Variants in PCDHA5 observed in about 807,000 individuals in gnomAD.
PCDHA5 encodes protocadherin alpha-5.
A neutral mutation model predicts 61.6 loss-of-function variants in PCDHA5; 43 were observed. That is an observed-to-expected ratio of 0.70 (90% CI 0.55 to 0.90). The LOEUF (loss-of-function observed/expected upper bound fraction) is 0.90, where lower values mean the gene tolerates loss of function less well. Ranked by LOEUF, PCDHA5 falls within the 40% of genes least tolerant of loss-of-function variation. The pLI is 0.00. For synonymous variants in PCDHA5, 627 were observed against 543.9 expected, an observed-to-expected ratio of 1.15 and a Z score of -2.13; for missense variants, 1,298 against 1,222.7, an observed-to-expected ratio of 1.06 and a Z score of -0.92.
rs1554139478 is a variant in PCDHA5 at position 140,842,864 on chromosome 5, G to A, written c.2352+18737G>A. The stretch of plus-strand genomic sequence containing the variant: ...CTACATTTCGGTGCACACGGAGAGC[G>A]GCAAGGTGTACGCGCTGCAGCCGCT... On this transcript the variant is annotated intron_variant, in intron 1 of 3. Transcript: ENST00000529859. 2.5e-6 allele frequency: 4 copies of A among 1,594,034 alleles called. 1 individual carries two copies. Among genetic ancestry groups the A allele is most frequent in the Middle Eastern group, 2.1e-4 (1 of 4,754 alleles).
chr5:141,000,639 G>T (rs1375900945), intron 3 of PCDHA5, among the ~76,000 whole-genome samples: 1 of 151,186 alleles, frequency 6.6e-6, no homozygotes, highest in Non-Finnish European at 1.5e-5. Context: ...TGTTGGGCAG[G>T]CTGGTCTCGA....
intron 1 of PCDHA5, chr5:140,927,529 C>A: frequency 6.2e-7 from 1 of 1,614,098 alleles, no homozygotes; most frequent in South Asian, 1.1e-5. Flanking sequence ...GCTACCTGCC[C>A]GCTCAGGAGA....
chr5:140,925,203 A>G (rs1201965893), intron 1 of PCDHA5, among the ~76,000 whole-genome samples: 4 of 152,310 alleles, frequency 2.6e-5, no homozygotes, highest in South Asian at 4.1e-4. Flanking sequence ...TTCAATAATT[A>G]TCGATACTTT....
Position 140,947,404 on chromosome 5 carries a change from T to C in PCDHA5, c.2353-31545T>C, listed in dbSNP as rs1305199507. On this transcript the variant is annotated intron_variant, in intron 1 of 3. Transcript: ENST00000529859. ...ATCCTTTCACTAAAAGTAGACTGTC[T>C]TGATATTGTAGCTTTATAAATTTGA... is the stretch of plus-strand genomic sequence containing the variant. Among the ~76,000 whole-genome samples the C allele has an allele frequency of 2.6e-5, 4 of 151,736 alleles. No individual in the cohort carries two copies. In the East Asian group the frequency reaches 5.8e-4, roughly 22 times the overall value.
At chr5:140,948,764 G>A (rs962710607) in intron 1 of PCDHA5, among the ~76,000 whole-genome samples, 11 of 150,728 alleles carry the variant, frequency 7.3e-5, no homozygotes, top group East Asian at 3.9e-4. Context: ...GATTTTTTTC[G>A]AATAGCCAGC....
At position 140,928,683 on chromosome 5, in the gene PCDHA5, C is replaced by T. The variant is rs868920923; in HGVS notation, c.2353-50266C>T. ...ACAGTGGTTCTAATGCCTGGCTTTC[C>T]TACCACATCTCCCGGGCGTCTGACT... On this transcript the variant is annotated intron_variant, in intron 1 of 3. Transcript: ENST00000529859. 3.7e-6 allele frequency: 6 copies of T among 1,614,172 alleles called. No individual in the cohort carries two copies. In the Middle Eastern group the frequency reaches 6.6e-4, roughly 178 times the overall value.
chr5:140,944,191 G>C (rs181232402), intron 1 of PCDHA5, among the ~76,000 whole-genome samples: 1 of 151,980 alleles, frequency 6.6e-6, no homozygotes, highest in East Asian at 1.9e-4. Context: ...GGTTTGTTTT[G>C]TTTTGTTTTG....
Position 140,857,399 on chromosome 5 carries a change from G to A in PCDHA5, c.2352+33272G>A, listed in dbSNP as rs375062704. ...GGAGGTGGCCGACGTGAACGACAAC[G>A]CGCCTGCGTTCGCGCAGTCCGAGTA... On this transcript the variant is annotated intron_variant, in intron 1 of 3. Coordinates refer to ENST00000529859, the MANE Select transcript of PCDHA5 (RefSeq NM_018908.3). 3 of 1,598,394 alleles carry A rather than the reference G, an allele frequency of 1.9e-6. No homozygotes were observed. In the African/African-American group the frequency reaches 4.0e-5, roughly 21 times the overall value.
chr5:140,862,746 C>A, intron 1 of PCDHA5: 2 of 577,770 alleles, frequency 3.5e-6, no homozygotes, highest in East Asian at 9.5e-5. Flanking sequence ...TGTGGGTGCA[C>A]GCGGAGAGCG....
chr5:140,911,473 T>C (rs2075497981), intron 1 of PCDHA5, among the ~76,000 whole-genome samples: 1 of 152,180 alleles, frequency 6.6e-6, no homozygotes, highest in Non-Finnish European at 1.5e-5. Flanking sequence ...GATAAGACTC[T>C]CACTCAGGGC....
intron 1 of PCDHA5, chr5:140,828,847 C>G (rs1177890960): frequency 6.2e-7 from 1 of 1,614,050 alleles, no homozygotes; most frequent in African/African-American, 1.3e-5. Flanking sequence ...TAAGAATATT[C>G]GAAAATGCAG....
At position 140,823,684 on chromosome 5, in the gene PCDHA5, G is replaced by T. The variant is rs1554129546; in HGVS notation, c.1909G>T (p.Asp637Tyr). The change falls in exon 1 of 4, where the codon GAT (aspartate) becomes TAT (tyrosine). Residue 637 changes from aspartate (D) to tyrosine (Y), a missense_variant. Asp to Tyr is a radical substitution (Grantham distance 160). Coordinates refer to ENST00000529859, the MANE Select transcript of PCDHA5 (RefSeq NM_018908.3). ...TGEISTTRSL[D>Y]ETEAPRHRLL... ...CGAGATCAGCACAACACGCTCTCTG[G>T]ATGAGACCGAAGCACCGCGCCACCG... is the stretch of plus-strand genomic sequence containing the variant. 1 of 1,613,918 alleles carries T rather than the reference G, an allele frequency of 6.2e-7. No homozygotes were observed. The highest frequency in any genetic ancestry group is 8.5e-7 in the Non-Finnish European group (1 of 1,179,962).
At chr5:140,881,323 T>C in intron 1 of PCDHA5, 1 of 984,214 alleles carries the variant, frequency 1.0e-6, no homozygotes, top group South Asian at 4.7e-5. Flanking sequence ...AAATTCTATT[T>C]AACCAGGACG....
chr5:140,823,584 C>G lies in PCDHA5; in HGVS notation c.1809C>G (p.Asn603Lys). The G allele has an allele frequency of 6.2e-7, 1 of 1,613,980 alleles. No homozygotes were observed. The highest frequency in any genetic ancestry group is 8.5e-7 in the Non-Finnish European group (1 of 1,179,920). ...VRAVDPDSGY[N>K]AWLSYELQPA... ...CAGTGGACCCTGATTCGGGCTACAACGCTTGGCTTTCGTATGAGCTGCAGC... is the reference window on the plus strand; with the variant it reads ...CAGTGGACCCTGATTCGGGCTACAAGGCTTGGCTTTCGTATGAGCTGCAGC... Residue 603 changes from asparagine to lysine, a missense_variant, in exon 1 of 4, where the codon AAC becomes AAG. Physicochemically the swap from Asn to Lys is moderately conservative, Grantham distance 94. Coordinates refer to ENST00000529859, the MANE Select transcript of PCDHA5 (RefSeq NM_018908.3).
chr5:140,823,833 G>A lies in PCDHA5; in HGVS notation c.2058G>A (p.Val686=). The A allele has an allele frequency of 1.2e-6, 2 of 1,613,850 alleles. No homozygotes were observed. The highest frequency in any genetic ancestry group is 1.7e-6 in the Non-Finnish European group (2 of 1,179,922). ...CATCGCGGGCGTCGGCGGGCGCTGTGGGTCCCGAGGCTGCCCTGGTGGATG... is the reference window on the plus strand; with the variant it reads ...CATCGCGGGCGTCGGCGGGCGCTGTAGGTCCCGAGGCTGCCCTGGTGGATG... ...KASSRASAGA[V]GPEAALVDVN... is the part of the protein sequence containing the mutation. Residue 686 remains valine, a synonymous_variant, in exon 1 of 4, where the codon GTG becomes GTA. Coordinates refer to ENST00000529859, the MANE Select transcript of PCDHA5 (RefSeq NM_018908.3).
intron 1 of PCDHA5, chr5:140,853,122 T>A: frequency 1.9e-6 from 1 of 528,258 alleles, no homozygotes; most frequent in Non-Finnish European, 2.5e-6. Flanking sequence ...CTCATGATCC[T>A]CCCGCCTCAG....
At chr5:140,924,839 G>A (rs1049952478) in intron 1 of PCDHA5, among the ~76,000 whole-genome samples, 3 of 150,922 alleles carry the variant, frequency 2.0e-5, no homozygotes, top group Non-Finnish European at 4.4e-5. Context: ...AGGTTGCAGG[G>A]AGCTCAGATC....
At chr5:140,846,974 T>G (rs1257358967) in intron 1 of PCDHA5, among the ~76,000 whole-genome samples, 1 of 149,546 alleles carries the variant, frequency 6.7e-6, no homozygotes, top group Non-Finnish European at 1.5e-5. Context: ...GGTTTTAAAA[T>G]AAGTAAGTTC....
At chr5:140,975,363 G>T (rs1348174294) in intron 1 of PCDHA5, among the ~76,000 whole-genome samples, 3 of 152,220 alleles carry the variant, frequency 2.0e-5, no homozygotes, top group Non-Finnish European at 2.9e-5. Context: ...GTGCTACATA[G>T]CATAATGTAA....
Sources: gnomAD v4.1 joint callset for allele counts (sites outside exome capture counted in the v4.1 genomes callset) on GRCh38, gnomAD v4.1.1 for gene constraint, MANE v1.5 for transcripts, NCBI Gene and HGNC (gene_info 2026-07-23, HGNC 2026-07-21) for gene names.